The following TLN2 variants were observed in gnomAD, a reference collection of about 807,000 sequenced individuals.
TLN2 encodes talin 2.
In TLN2, 118 loss-of-function variants were observed where a neutral mutation model predicts 294.7. That is an observed-to-expected ratio of 0.40 (90% CI 0.34 to 0.47). The LOEUF (loss-of-function observed/expected upper bound fraction) is 0.47. Ranked by LOEUF, TLN2 falls within the 20% of genes least tolerant of loss-of-function variation. The pLI is 0.84. For synonymous variants in TLN2, 1,431 were observed against 1,304.5 expected (o/e 1.10, Z -2.09); for missense variants, 3,083 against 3,282.2 (o/e 0.94, Z 1.48).
intron 1 of TLN2, among the ~76,000 whole-genome samples, chr15:62,463,350 T>A (rs1052250045): frequency 3.9e-5 from 6 of 152,194 alleles, no homozygotes; most frequent in Admixed American, 2.6e-4. Flanking sequence ...ACCGTTGTTG[T>A]TAATTGACAG....
chr15:62,777,155 CAT>C (rs2063772367), intron 43 of TLN2, among the ~76,000 whole-genome samples: 1 of 152,080 alleles, frequency 6.6e-6, no homozygotes, highest in Admixed American at 6.5e-5. Flanking sequence ...GAAAAGATAT[CAT>C]AGGTTTCCTC....
Position 62,711,921 on chromosome 15 carries a change from G to C in TLN2, c.2478G>C (p.Val826=), listed in dbSNP as rs776896706. The C allele has an allele frequency of 1.9e-5, 30 of 1,606,282 alleles. No homozygotes were observed. The highest frequency in any genetic ancestry group is 2.5e-5 in the Non-Finnish European group (29 of 1,173,868). ...TATTCTGTCTTCTAGGTGAAATGGT[G>C]CGCCAGGCGCGGGTTCTGGCCCAAG... The part of the protein sequence containing the change: ...FSSMGDAGEM[V]RQARVLAQAT... The change falls in exon 22 of 59, where the codon GTG becomes GTC. Residue 826 remains valine, a synonymous_variant. Transcript: ENST00000636159.
Position 62,402,067 on chromosome 15 carries a change from G to A in TLN2, c.-238+11382G>A, listed in dbSNP as rs187081684. ...ACCCTTGCTCTAGTGTCTTTGAAGT[G>A]TTTTTTAACCCCAAGCCATAGGAGA... is the stretch of plus-strand genomic sequence containing the variant. On this transcript the variant is annotated intron_variant, in intron 1 of 58. Coordinates refer to ENST00000636159, the MANE Select transcript of TLN2 (RefSeq NM_015059.3). Among the ~76,000 whole-genome samples the A allele has an allele frequency of 3.2e-3, 485 of 152,254 alleles. 5 individuals are homozygous for A. Among genetic ancestry groups the A allele is most frequent in the Non-Finnish European group, 5.6e-3 (380 of 68,016 alleles).
At chr15:62,440,377 C>T (rs971448856) in intron 1 of TLN2, among the ~76,000 whole-genome samples, 13 of 152,202 alleles carry the variant, frequency 8.5e-5, no homozygotes, top group African/African-American at 2.7e-4. Context: ...TATCTTCCCC[C>T]TCTCCTTTCT....
intron 2 of TLN2, among the ~76,000 whole-genome samples, chr15:62,601,039 C>T (rs375162417): frequency 4.6e-5 from 7 of 152,216 alleles, no homozygotes; most frequent in African/African-American, 1.7e-4. Context: ...CTAATATTTT[C>T]GTCTTTGGGC....
chr15:62,720,551 G>T (rs1279007957), intron 25 of TLN2, among the ~76,000 whole-genome samples: 2 of 151,784 alleles, frequency 1.3e-5, no homozygotes, highest in Non-Finnish European at 2.9e-5. Context: ...CATCTATTTG[G>T]TTCATTTTTC....
At chr15:62,625,731 G>T (rs112317033) in intron 3 of TLN2, among the ~76,000 whole-genome samples, 1 of 152,188 alleles carries the variant, frequency 6.6e-6, no homozygotes, top group Non-Finnish European at 1.5e-5. Flanking sequence ...TCTTTTTAGA[G>T]AATAAGACTC....
In TLN2 at chr15:62,693,006, C is replaced by T. The variant is rs919075979; in HGVS notation, c.1215+65C>T. Reference sequence around the variant, plus strand: ...TTATTAAAAGGCTTGGTTTCGATGACGTGGCTACCTTGAAAAAAAAATCCT... The same window carrying T: ...TTATTAAAAGGCTTGGTTTCGATGATGTGGCTACCTTGAAAAAAAAATCCT... On this transcript the variant is annotated intron_variant, in intron 13 of 58. Transcript: ENST00000636159. The T allele has an allele frequency of 4.1e-5, 57 of 1,390,282 alleles. No individual in the cohort carries two copies. In the Admixed American group the frequency reaches 4.7e-4, roughly 11 times the overall value. 86.1% of individuals were successfully genotyped at this position (1,390,282 alleles called of 1,614,324 possible).
chr15:62,800,350 T>A lies in TLN2; in HGVS notation c.6235-18T>A. 1.2e-6 allele frequency: 2 copies of A among 1,612,082 alleles called. No homozygotes were observed. On this transcript the variant is annotated intron_variant, in intron 48 of 58. Transcript: ENST00000636159. ...ACATCTTGACGCCTGCTCACCTGAGTTCTGTGCTCTCTTTCAGGTGGTTTT... is the reference window on the plus strand; with the variant it reads ...ACATCTTGACGCCTGCTCACCTGAGATCTGTGCTCTCTTTCAGGTGGTTTT...
chr15:62,711,050 G>A (rs552634610), intron 21 of TLN2, among the ~76,000 whole-genome samples: 20 of 152,040 alleles, frequency 1.3e-4, no homozygotes, highest in East Asian at 1.9e-4. Context: ...TTACCGTCTC[G>A]GGATCCAGTC....
chr15:62,417,841 C>T (rs2140266141), intron 1 of TLN2, among the ~76,000 whole-genome samples: 1 of 152,318 alleles, frequency 6.6e-6, no homozygotes, highest in East Asian at 1.9e-4. Flanking sequence ...GTCAGGCCTT[C>T]CCCTCCCTTT....
At chr15:62,669,498 T>C (rs2055135493) in intron 9 of TLN2, among the ~76,000 whole-genome samples, 2 of 152,188 alleles carry the variant, frequency 1.3e-5, no homozygotes. Context: ...AGGCTGGCAG[T>C]AGGGTTTGGC....
chr15:62,411,698 A>G (rs921426139), intron 1 of TLN2, among the ~76,000 whole-genome samples: 1 of 152,096 alleles, frequency 6.6e-6, no homozygotes, highest in Non-Finnish European at 1.5e-5. Context: ...TCTTCTCTCC[A>G]TTCCTCTGGG....
chr15:62,671,095 G>A (rs938278326), intron 9 of TLN2, among the ~76,000 whole-genome samples: 1 of 152,124 alleles, frequency 6.6e-6, no homozygotes, highest in African/African-American at 2.4e-5. Flanking sequence ...TTGGAGAAAT[G>A]ACTGTTCATG....
rs759146060 is a variant in TLN2 at position 62,838,846 on chromosome 15, C to G, written c.7375-10C>G. ...CTAATGATATAATGTATGTTTTGTT[C>G]ACTCTCCAGGCGGCAGGAAATGCTG... On this transcript the variant is annotated splice_polypyrimidine_tract_variant and intron_variant, in intron 57 of 58. Coordinates refer to ENST00000636159, the MANE Select transcript of TLN2 (RefSeq NM_015059.3). 1.1e-5 allele frequency: 17 copies of G among 1,608,100 alleles called. No homozygotes were observed. Among genetic ancestry groups the G allele is most frequent in the Non-Finnish European group, 1.3e-5 (15 of 1,179,576 alleles).
At chr15:62,407,787 C>T (rs1221572372) in intron 1 of TLN2, among the ~76,000 whole-genome samples, 1 of 151,716 alleles carries the variant, frequency 6.6e-6, no homozygotes, top group Admixed American at 6.6e-5. Flanking sequence ...TTGTGGCGGG[C>T]GCCTATAATC....
intron 3 of TLN2, among the ~76,000 whole-genome samples, chr15:62,642,903 T>C (rs773870945): frequency 1.3e-5 from 2 of 152,186 alleles, no homozygotes; most frequent in Admixed American, 6.5e-5. Context: ...GGTTTCGCCA[T>C]GTTGGCCAGG....
At chr15:62,831,920 C>G (rs1488928923) in intron 54 of TLN2, 3 of 152,138 alleles carry the variant, frequency 2.0e-5, no homozygotes, top group Non-Finnish European at 4.4e-5. Flanking sequence ...TGGCACAAAC[C>G]GTTTCTCACT....
intron 1 of TLN2, among the ~76,000 whole-genome samples, chr15:62,484,283 T>A (rs1281314083): frequency 6.6e-6 from 1 of 152,144 alleles, no homozygotes; most frequent in Non-Finnish European, 1.5e-5. Context: ...GCAAATTTTA[T>A]TACTAAAAAA....
Sources: allele counts gnomAD v4.1 joint callset (sites outside exome capture counted in the v4.1 genomes callset), GRCh38; gene constraint gnomAD v4.1.1; transcripts MANE v1.5; gene names NCBI Gene and HGNC (gene_info 2026-07-23, HGNC 2026-07-21).